PTPRD: variants seen among roughly 807,000 people sequenced by gnomAD.
PTPRD encodes protein tyrosine phosphatase receptor type D, also known as receptor-type tyrosine-protein phosphatase delta.
A neutral mutation model predicts 214.5 loss-of-function variants in PTPRD; 34 were observed. The observed-to-expected ratio is 0.16, with a 90% CI of 0.12 to 0.21. The LOEUF (loss-of-function observed/expected upper bound fraction) is 0.21, where lower values mean the gene tolerates loss of function less well. Among genes scored for constraint, PTPRD ranks in the 10% least tolerant of loss-of-function variants. PTPRD has a pLI of 1.00. For synonymous variants in PTPRD, 1,128 were observed against 845.7 expected (o/e 1.33, Z -5.79); for missense variants, 2,545 against 2,398.7 (o/e 1.06, Z -1.27).
intron 11 of PTPRD, among the ~76,000 whole-genome samples, chr9:8,856,587 C>G (rs1422893584): frequency 6.6e-6 from 1 of 152,150 alleles, no homozygotes; most frequent in Admixed American, 6.5e-5. Context: ...AACGAGCCCT[C>G]AGGAATCTTC....
At chr9:9,881,658 G>T (rs1252621654) in intron 5 of PTPRD, among the ~76,000 whole-genome samples, 1 of 152,094 alleles carries the variant, frequency 6.6e-6, no homozygotes, top group African/African-American at 2.4e-5. Flanking sequence ...ATGAACCCTG[G>T]TATGATAGAT....
intron 8 of PTPRD, among the ~76,000 whole-genome samples, chr9:9,437,708 C>T (rs904847503): frequency 1.3e-5 from 2 of 152,004 alleles, no homozygotes; most frequent in African/African-American, 2.4e-5. Context: ...TGTGGTGTAT[C>T]CATGGTGGTA....
chr9:8,624,499 G>A (rs1423144426), intron 14 of PTPRD, among the ~76,000 whole-genome samples: 2 of 151,798 alleles, frequency 1.3e-5, no homozygotes, highest in Non-Finnish European at 2.9e-5. Context: ...TCTAGATGCT[G>A]GGGATTCAGT....
chr9:10,167,688 T>A (rs1564273179), intron 3 of PTPRD, among the ~76,000 whole-genome samples: 1 of 152,234 alleles, frequency 6.6e-6, no homozygotes, highest in African/African-American at 2.4e-5. Flanking sequence ...CCTCTGAGGC[T>A]ATCCATTTTG....
At chr9:8,977,360 G>A (rs923485997) in intron 11 of PTPRD, among the ~76,000 whole-genome samples, 2 of 151,928 alleles carry the variant, frequency 1.3e-5, no homozygotes, top group African/African-American at 4.8e-5. Flanking sequence ...GTCCTGACCT[G>A]GGATATTCTC....
chr9:9,117,356 C>T (rs2099813391), intron 10 of PTPRD, among the ~76,000 whole-genome samples: 1 of 151,784 alleles, frequency 6.6e-6, no homozygotes, highest in Non-Finnish European at 1.5e-5. Context: ...TCTTGTTTTA[C>T]TTACTAACCT....
intron 3 of PTPRD, among the ~76,000 whole-genome samples, chr9:10,106,799 T>C (rs2098637624): frequency 6.6e-6 from 1 of 151,970 alleles, no homozygotes; most frequent in African/African-American, 2.4e-5. Context: ...ACAGAAAATT[T>C]AAGGTCAGCT....
At chr9:8,887,062 C>G (rs2098496961) in intron 11 of PTPRD, among the ~76,000 whole-genome samples, 1 of 152,144 alleles carries the variant, frequency 6.6e-6, no homozygotes, top group Non-Finnish European at 1.5e-5. Flanking sequence ...ACTTTCTTAT[C>G]CCCATTTTAC....
At chr9:10,241,675 C>T (rs1000981929) in intron 3 of PTPRD, among the ~76,000 whole-genome samples, 2 of 151,832 alleles carry the variant, frequency 1.3e-5, no homozygotes, top group Admixed American at 1.3e-4. Flanking sequence ...CGGTGTTTTT[C>T]CTGAAAACCA....
intron 11 of PTPRD, among the ~76,000 whole-genome samples, chr9:8,971,180 A>G (rs554570440): frequency 9.2e-4 from 140 of 151,936 alleles, no homozygotes; most frequent in Non-Finnish European, 1.8e-3. Flanking sequence ...ATTTATATTG[A>G]GTCAAATTGT....
chr9:9,103,873 CCTGGAGG>C (rs2099794796), intron 10 of PTPRD, among the ~76,000 whole-genome samples: 1 of 151,892 alleles, frequency 6.6e-6, no homozygotes. Flanking sequence ...TCCCAGATAC[CCTGGAGG>C]CTGAGGTGAG....
chr9:9,564,279 C>G (rs1045676756), intron 8 of PTPRD, among the ~76,000 whole-genome samples: 2 of 152,016 alleles, frequency 1.3e-5, no homozygotes, highest in Admixed American at 6.6e-5. Context: ...ATGAGCTTTC[C>G]AAATGAAGGA....
At chr9:9,378,630 T>C (rs1377852266) in intron 9 of PTPRD, among the ~76,000 whole-genome samples, 1 of 152,162 alleles carries the variant, frequency 6.6e-6, no homozygotes, top group Non-Finnish European at 1.5e-5. Context: ...ATATGTCTAC[T>C]AGTAATGAAG....
chr9:8,797,213 A>T (rs1426205004), intron 11 of PTPRD: 1 of 152,218 alleles, frequency 6.6e-6, no homozygotes, highest in Non-Finnish European at 1.5e-5. Context: ...AAAATAAATA[A>T]ATAAAATAAA....
At chr9:8,380,403 C>T (rs1469212742) in intron 37 of PTPRD, among the ~76,000 whole-genome samples, 2 of 152,134 alleles carry the variant, frequency 1.3e-5, no homozygotes, top group African/African-American at 2.4e-5. Flanking sequence ...AAAAGAAGAA[C>T]AGCAGAACTT....
intron 11 of PTPRD, among the ~76,000 whole-genome samples, chr9:8,848,836 T>TG (rs1381757000): frequency 6.7e-6 from 1 of 149,794 alleles, no homozygotes; most frequent in African/African-American, 2.5e-5. Context: ...AATCTCTCCA[T>TG]GGATCAACCC....
At chr9:9,330,248 C>T (rs886685582) in intron 9 of PTPRD, among the ~76,000 whole-genome samples, 2 of 152,062 alleles carry the variant, frequency 1.3e-5, no homozygotes, top group African/African-American at 2.4e-5. Context: ...TCTTTTCCCA[C>T]ACCACTGGCT....
intron 5 of PTPRD, among the ~76,000 whole-genome samples, chr9:9,795,857 A>G (rs1434084102): frequency 1.3e-5 from 2 of 152,144 alleles, no homozygotes; most frequent in Non-Finnish European, 2.9e-5. Context: ...TAAAATTGCC[A>G]CTGACATAAC....
chr9:9,585,729 C>T (rs2091822929), intron 7 of PTPRD, among the ~76,000 whole-genome samples: 1 of 151,980 alleles, frequency 6.6e-6, no homozygotes, highest in South Asian at 2.1e-4. Context: ...GAAAGACCAT[C>T]CAGATGTGAA....
Sources: allele counts gnomAD v4.1 joint callset (sites outside exome capture counted in the v4.1 genomes callset), GRCh38; gene constraint gnomAD v4.1.1; transcripts MANE v1.5; gene names NCBI Gene and HGNC (gene_info 2026-07-23, HGNC 2026-07-21).